The following EPM2A variants were observed in gnomAD, a reference collection of about 807,000 sequenced individuals.
EPM2A encodes EPM2A glucan phosphatase, laforin.
EPM2A carries 21 observed loss-of-function variants against 26.5 expected under a neutral mutation model. The ratio of observed to expected loss-of-function variants is 0.79; its 90% CI spans 0.56 to 1.14. The LOEUF is 1.14. EPM2A is among the 50% of genes most tolerant of loss of function. The probability of loss-of-function intolerance (pLI) is 0.00; values close to 1 mark genes in which losing one functional copy is unlikely to be tolerated. For missense variants in EPM2A, 458 were observed against 440.8 expected, an observed-to-expected ratio of 1.04 and a Z score of -0.35; for synonymous variants, 217 against 177.6, an observed-to-expected ratio of 1.22 and a Z score of -1.76.
chr6:145,680,848 A>G (rs1780473462), intron 2 of EPM2A, among the ~76,000 whole-genome samples: 1 of 152,042 alleles, frequency 6.6e-6, no homozygotes, highest in Admixed American at 6.5e-5. Context: ...GCCGCTATAA[A>G]CATACGTGTG....
chr6:145,580,752 T>G (rs1244574011), intron 2 of EPM2A, among the ~76,000 whole-genome samples: 3 of 152,182 alleles, frequency 2.0e-5, no homozygotes, highest in Non-Finnish European at 4.4e-5. Context: ...CTGCCACTTA[T>G]AAATGAGAAC....
At chr6:145,674,047 G>A (rs562312168) in intron 2 of EPM2A, among the ~76,000 whole-genome samples, 2 of 152,268 alleles carry the variant, frequency 1.3e-5, no homozygotes, top group East Asian at 1.9e-4. Context: ...GGGGCCAACA[G>A]ACACCTCATA....
chr6:145,596,276 A>T (rs1378328211), intron 2 of EPM2A, among the ~76,000 whole-genome samples: 1 of 152,138 alleles, frequency 6.6e-6, no homozygotes, highest in African/African-American at 2.4e-5. Context: ...TACTGCTTTT[A>T]TATGTTGCTG....
At chr6:145,678,032 T>C (rs912852857) in intron 2 of EPM2A, among the ~76,000 whole-genome samples, 1 of 152,128 alleles carries the variant, frequency 6.6e-6, no homozygotes, top group African/African-American at 2.4e-5. Context: ...CAAACTATAC[T>C]ACAAGGCTAC....
At chr6:145,716,807 T>G (rs1255707664) in intron 1 of EPM2A, among the ~76,000 whole-genome samples, 1 of 152,228 alleles carries the variant, frequency 6.6e-6, no homozygotes, top group African/African-American at 2.4e-5. Context: ...GCCTTTCTCC[T>G]GTCTCCCTCA....
intron 4 of EPM2A, among the ~76,000 whole-genome samples, chr6:145,466,999 G>C (rs893698597): frequency 6.6e-6 from 1 of 152,104 alleles, no homozygotes; most frequent in Non-Finnish European, 1.5e-5. Context: ...CTTGTGGGGC[G>C]GTGGGAGTGG....
intron 1 of EPM2A, among the ~76,000 whole-genome samples, chr6:145,709,275 G>T (rs774438353): frequency 4.6e-5 from 7 of 152,280 alleles, no homozygotes; most frequent in Non-Finnish European, 8.8e-5. Flanking sequence ...AGGGGCCAGG[G>T]CAGAAGGATA....
intron 4 of EPM2A, among the ~76,000 whole-genome samples, chr6:145,462,279 C>G (rs1385302673): frequency 6.6e-6 from 1 of 152,056 alleles, no homozygotes; most frequent in Non-Finnish European, 1.5e-5. Flanking sequence ...TTAAAAAGAT[C>G]CAAGGAGATG....
chr6:145,620,276 C>A (rs940416384), intron 2 of EPM2A, among the ~76,000 whole-genome samples: 8 of 152,162 alleles, frequency 5.3e-5, no homozygotes, highest in Non-Finnish European at 1.0e-4. Flanking sequence ...CTAGATCCCT[C>A]GCATGTGCAG....
chr6:145,480,218 T>C (rs575132442), intron 4 of EPM2A, among the ~76,000 whole-genome samples: 1 of 151,888 alleles, frequency 6.6e-6, no homozygotes, highest in South Asian at 2.1e-4. Flanking sequence ...TTCTACAAGC[T>C]GTACAGGAAA....
chr6:145,409,098 C>T (rs1159902850), intron 4 of EPM2A, among the ~76,000 whole-genome samples: 3 of 152,096 alleles, frequency 2.0e-5, no homozygotes, highest in African/African-American at 7.2e-5. Flanking sequence ...TAATTCTAGT[C>T]TTAAAATTTC....
intron 2 of EPM2A, among the ~76,000 whole-genome samples, chr6:145,596,762 ACT>A (rs1444987591): frequency 4.7e-5 from 7 of 150,002 alleles, no homozygotes; most frequent in African/African-American, 1.5e-4. Flanking sequence ...CCTTCGTGGG[ACT>A]CTCTCACATT....
chr6:145,690,636 G>GAA (rs1311444741), intron 1 of EPM2A, among the ~76,000 whole-genome samples: 1 of 139,302 alleles, frequency 7.2e-6, no homozygotes, highest in Admixed American at 7.2e-5. Context: ...AAACTAAATG[G>GAA]AAAAAAAAAA....
At chr6:145,482,665 A>G (rs577401412) in intron 4 of EPM2A, among the ~76,000 whole-genome samples, 88 of 152,202 alleles carry the variant, frequency 5.8e-4, no homozygotes, top group African/African-American at 2.0e-3. Flanking sequence ...TTCAGAAAAA[A>G]ATGGCAACAT....
downstream of EPM2A, among the ~76,000 whole-genome samples, chr6:145,497,392 G>A (rs1779835047): frequency 6.6e-6 from 1 of 152,214 alleles, no homozygotes; most frequent in South Asian, 2.1e-4. Flanking sequence ...AAACAGCAAA[G>A]TGGCAGCCTG....
chr6:145,675,124 C>T (rs895642084), intron 2 of EPM2A, among the ~76,000 whole-genome samples: 19 of 152,134 alleles, frequency 1.2e-4, no homozygotes, highest in Non-Finnish European at 2.4e-4. Context: ...GAGTGGGGGC[C>T]AATATTCAAC....
At chr6:145,600,607 C>T (rs1404542547) in intron 2 of EPM2A, among the ~76,000 whole-genome samples, 4 of 152,286 alleles carry the variant, frequency 2.6e-5, no homozygotes, top group East Asian at 3.9e-4. Context: ...ATCAACCCTT[C>T]GTCTGTTTGT....
At chr6:145,591,090 G>T (rs9376953) in intron 2 of EPM2A, among the ~76,000 whole-genome samples, 54,994 of 151,858 alleles carry the variant, frequency 0.36, 10,415 homozygotes, top group South Asian at 0.51. Context: ...TAGAAATGAA[G>T]AATGTTTTTG....
intron 2 of EPM2A, among the ~76,000 whole-genome samples, chr6:145,648,985 TA>T (rs1777681806): frequency 6.6e-6 from 1 of 152,254 alleles, no homozygotes; most frequent in Non-Finnish European, 1.5e-5. Context: ...AGGATTCATT[TA>T]AGCATTTCTT....
Sources: allele counts gnomAD v4.1 joint callset (sites outside exome capture counted in the v4.1 genomes callset), GRCh38; gene constraint gnomAD v4.1.1; transcripts MANE v1.5; gene names NCBI Gene and HGNC (gene_info 2026-07-23, HGNC 2026-07-21).